Variants in TRPC4 observed in about 807,000 individuals in gnomAD.
The protein encoded by TRPC4 is short transient receptor potential channel 4.
TRPC4 carries 49 observed loss-of-function variants against 99.4 expected under a neutral mutation model. The observed-to-expected ratio is 0.49, with a 90% CI of 0.39 to 0.63. The LOEUF is 0.63. Ranked by LOEUF, TRPC4 falls within the 20% of genes least tolerant of loss-of-function variation. TRPC4 has a pLI of 0.00. For synonymous variants in TRPC4, 454 were observed against 425.9 expected (o/e 1.07, Z -0.81); for missense variants, 898 against 1,152.9 (o/e 0.78, Z 3.20).
chr13:37,806,765 T>C (rs894973651), intron 1 of TRPC4, among the ~76,000 whole-genome samples: 9 of 152,076 alleles, frequency 5.9e-5, no homozygotes, highest in African/African-American at 1.4e-4. Context: ...CAATTATTGC[T>C]CTTCCAGTTT....
chr13:37,851,013 T>C (rs1456767335), intron 1 of TRPC4, among the ~76,000 whole-genome samples: 1 of 152,154 alleles, frequency 6.6e-6, no homozygotes, highest in Non-Finnish European at 1.5e-5. Context: ...CTGCTGAAAA[T>C]TAGGGCAGAA....
intron 1 of TRPC4, among the ~76,000 whole-genome samples, chr13:37,842,377 G>T (rs547027502): frequency 3.4e-5 from 3 of 88,830 alleles, no homozygotes; most frequent in South Asian, 3.6e-4. Flanking sequence ...AAAAGGAAAA[G>T]GAAAAGTATA....
intron 1 of TRPC4, among the ~76,000 whole-genome samples, chr13:37,855,766 T>C (rs1302771661): frequency 6.6e-6 from 1 of 151,880 alleles, no homozygotes; most frequent in East Asian, 1.9e-4. Context: ...AATTAAATAA[T>C]ATGCTCCTCA....
At chr13:37,812,198 A>AAAAAT (rs1957719002) in intron 1 of TRPC4, among the ~76,000 whole-genome samples, 2 of 146,522 alleles carry the variant, frequency 1.4e-5, no homozygotes, top group Non-Finnish European at 3.0e-5. Context: ...AAAAAAAACC[A>AAAAAT]GGAGATCTAA....
chr13:37,845,771 A>G (rs527509253), intron 1 of TRPC4, among the ~76,000 whole-genome samples: 3 of 152,308 alleles, frequency 2.0e-5, no homozygotes, highest in East Asian at 3.9e-4. Context: ...ATAGCTAAAA[A>G]TATCCCAAAT....
chr13:37,798,218 G>C (rs1295956477), intron 1 of TRPC4, among the ~76,000 whole-genome samples: 1 of 152,070 alleles, frequency 6.6e-6, no homozygotes, highest in Non-Finnish European at 1.5e-5. Flanking sequence ...GTAATTTAAA[G>C]TGTTGATTTA....
At chr13:37,724,285 G>C (rs1430552495) in intron 3 of TRPC4, among the ~76,000 whole-genome samples, 1 of 152,120 alleles carries the variant, frequency 6.6e-6, no homozygotes, top group Non-Finnish European at 1.5e-5. Flanking sequence ...GGTATGTTTT[G>C]TGTGCACGTG....
chr13:37,726,198 C>A (rs532068942), intron 3 of TRPC4, among the ~76,000 whole-genome samples: 8 of 147,864 alleles, frequency 5.4e-5, no homozygotes, highest in African/African-American at 1.2e-4. Context: ...ACCGTCCCCC[C>A]CCAAAAAAAA....
intron 1 of TRPC4, among the ~76,000 whole-genome samples, chr13:37,854,425 A>G (rs1002196718): frequency 1.3e-5 from 2 of 152,144 alleles, no homozygotes; most frequent in African/African-American, 4.8e-5. Flanking sequence ...AAGAAATGTT[A>G]AAGAAAGTTC....
chr13:37,658,796 A>G (rs1282069864), intron 6 of TRPC4, among the ~76,000 whole-genome samples: 3 of 152,170 alleles, frequency 2.0e-5, no homozygotes, highest in Non-Finnish European at 4.4e-5. Flanking sequence ...CCTGGAAAGG[A>G]GCAGGAGGAA....
chr13:37,835,291 G>T (rs1044542018), intron 1 of TRPC4, among the ~76,000 whole-genome samples: 4 of 152,002 alleles, frequency 2.6e-5, no homozygotes, highest in African/African-American at 9.7e-5. Flanking sequence ...CCTTCTGAGG[G>T]CGTTCATTGT....
At chr13:37,821,901 G>A (rs1409091772) in intron 1 of TRPC4, among the ~76,000 whole-genome samples, 1 of 152,016 alleles carries the variant, frequency 6.6e-6, no homozygotes, top group Non-Finnish European at 1.5e-5. Flanking sequence ...CACAGGCCCT[G>A]GCAAAGATTT....
chr13:37,760,466 T>G (rs755468200), intron 2 of TRPC4, among the ~76,000 whole-genome samples: 1 of 151,982 alleles, frequency 6.6e-6, no homozygotes, highest in Non-Finnish European at 1.5e-5. Context: ...TATTATAACT[T>G]TCCTACAAGT....
At chr13:37,735,238 A>C (rs1228392330) in intron 3 of TRPC4, among the ~76,000 whole-genome samples, 1 of 152,108 alleles carries the variant, frequency 6.6e-6, no homozygotes, top group Non-Finnish European at 1.5e-5. Flanking sequence ...TCACATGCAT[A>C]ATTTATGAGA....
chr13:37,809,114 C>T (rs1957606444), intron 1 of TRPC4, among the ~76,000 whole-genome samples: 1 of 152,068 alleles, frequency 6.6e-6, no homozygotes, highest in Admixed American at 6.6e-5. Flanking sequence ...TTAATGACAA[C>T]TTTCCTCAAA....
intron 1 of TRPC4, among the ~76,000 whole-genome samples, chr13:37,800,899 G>A (rs1166557138): frequency 1.3e-5 from 2 of 151,606 alleles, no homozygotes; most frequent in East Asian, 3.9e-4. Context: ...ATATTTAATG[G>A]TTTCGGTTTT....
At chr13:37,679,993 G>A (rs1953182886) in intron 4 of TRPC4, among the ~76,000 whole-genome samples, 1 of 152,092 alleles carries the variant, frequency 6.6e-6, no homozygotes, top group South Asian at 2.1e-4. Flanking sequence ...ACCACAGCCT[G>A]CATGAGAAAA....
chr13:37,787,252 T>A (rs1022185918), intron 1 of TRPC4, among the ~76,000 whole-genome samples: 3 of 152,044 alleles, frequency 2.0e-5, no homozygotes, highest in Non-Finnish European at 2.9e-5. Flanking sequence ...AAAAGATACA[T>A]GTTTACGGAT....
intron 8 of TRPC4, among the ~76,000 whole-genome samples, chr13:37,639,554 G>C (rs1418447700): frequency 2.0e-5 from 3 of 151,918 alleles, no homozygotes; most frequent in African/African-American, 4.8e-5. Flanking sequence ...CAGGACACAG[G>C]ATGAAGGAAA....
Sources: gnomAD v4.1 joint callset for allele counts (sites outside exome capture counted in the v4.1 genomes callset) on GRCh38, gnomAD v4.1.1 for gene constraint, MANE v1.5 for transcripts, NCBI Gene and HGNC (gene_info 2026-07-23, HGNC 2026-07-21) for gene names.